ELK3: variants seen among roughly 807,000 people sequenced by gnomAD.
The protein encoded by ELK3 is ETS domain-containing protein Elk-3.
Under a neutral mutation model 28.9 loss-of-function variants are expected in ELK3, and 10 were observed. That is an observed-to-expected ratio of 0.35 (90% confidence interval 0.21 to 0.59). The LOEUF is 0.59. Ranked by LOEUF, ELK3 falls within the 20% of genes least tolerant of loss-of-function variation. The pLI, the probability that ELK3 is intolerant of heterozygous loss-of-function variation, is 0.82. For synonymous variants in ELK3, 272 were observed against 243.5 expected, an observed-to-expected ratio of 1.12 and a Z score of -1.09; for missense variants, 463 against 517.3, an observed-to-expected ratio of 0.90 and a Z score of 1.02.
At chr12:96,265,780 CAA>C (rs556096851) in intron 4 of ELK3, among the ~76,000 whole-genome samples, 5 of 152,182 alleles carry the variant, frequency 3.3e-5, no homozygotes, top group Admixed American at 6.5e-5. Context: ...ACCTTTTAAA[CAA>C]GAGTATAAAC....
At chr12:96,251,023 TTGG>T (rs1179620859) in intron 3 of ELK3, among the ~76,000 whole-genome samples, 1 of 152,206 alleles carries the variant, frequency 6.6e-6, no homozygotes, top group Non-Finnish European at 1.5e-5. Flanking sequence ...TCACAATTAA[TTGG>T]TGGTTTTTAC....
intron 4 of ELK3, among the ~76,000 whole-genome samples, chr12:96,265,435 C>G (rs939602354): frequency 3.9e-5 from 6 of 152,150 alleles, no homozygotes; most frequent in African/African-American, 1.4e-4. Context: ...TCTGCAATCC[C>G]AGCACTTTGG....
intron 2 of ELK3, among the ~76,000 whole-genome samples, chr12:96,225,651 G>C (rs1364598837): frequency 6.6e-6 from 1 of 152,150 alleles, no homozygotes; most frequent in Admixed American, 6.5e-5. Flanking sequence ...AACCTGCCCA[G>C]GTGCACACAG....
At chr12:96,208,972 C>T (rs966287242) in intron 1 of ELK3, among the ~76,000 whole-genome samples, 14 of 152,194 alleles carry the variant, frequency 9.2e-5, no homozygotes, top group Non-Finnish European at 1.2e-4. Flanking sequence ...GCAGACTTCC[C>T]GGTCCCCAGG....
At chr12:96,206,139 C>T (rs1032249892) in intron 1 of ELK3, among the ~76,000 whole-genome samples, 2 of 152,114 alleles carry the variant, frequency 1.3e-5, no homozygotes, top group African/African-American at 4.8e-5. Flanking sequence ...TCAGCCTCTG[C>T]CACATCCTTT....
intron 3 of ELK3, among the ~76,000 whole-genome samples, chr12:96,248,813 A>T (rs904673863): frequency 2.6e-5 from 4 of 152,190 alleles, no homozygotes; most frequent in African/African-American, 9.7e-5. Context: ...GCCTGTATCC[A>T]CACTTACAGC....
chr12:96,210,891 C>G (rs78294603), intron 1 of ELK3, among the ~76,000 whole-genome samples: 44 of 152,306 alleles, frequency 2.9e-4, no homozygotes, highest in African/African-American at 9.6e-4. Context: ...GTATTTCCCA[C>G]GCATTACAAT....
At chr12:96,228,442 A>AAAAAAAAAG (rs761298726) in intron 2 of ELK3, among the ~76,000 whole-genome samples, 7 of 142,636 alleles carry the variant, frequency 4.9e-5, no homozygotes, top group Admixed American at 1.5e-4. Context: ...AAAAAAAAAA[A>AAAAAAAAAG]AAGAAGATCA....
chr12:96,226,779 G>C (rs1312454811), intron 2 of ELK3, among the ~76,000 whole-genome samples: 1 of 152,020 alleles, frequency 6.6e-6, no homozygotes, highest in Non-Finnish European at 1.5e-5. Flanking sequence ...CGGAAAGTTA[G>C]ACTCTTAATA....
At chr12:96,208,552 T>C (rs2137003607) in intron 1 of ELK3, among the ~76,000 whole-genome samples, 2 of 152,322 alleles carry the variant, frequency 1.3e-5, no homozygotes, top group South Asian at 4.1e-4. Context: ...TGTTGCTTCA[T>C]CCAGTTCCCA....
At chr12:96,216,308 T>C (rs1444863255) in intron 1 of ELK3, among the ~76,000 whole-genome samples, 1 of 152,214 alleles carries the variant, frequency 6.6e-6, no homozygotes, top group Non-Finnish European at 1.5e-5. Context: ...AGGGACCCTC[T>C]TTGCTGAGGT....
intron 3 of ELK3, among the ~76,000 whole-genome samples, chr12:96,257,831 GTA>G (rs1951962300): frequency 6.6e-6 from 1 of 152,334 alleles, no homozygotes; most frequent in Admixed American, 6.5e-5. Context: ...GTCCTTCTCT[GTA>G]TACAGTTGAG....
chr12:96,264,159 T>A (rs1278755353), intron 4 of ELK3, among the ~76,000 whole-genome samples: 2 of 151,980 alleles, frequency 1.3e-5, no homozygotes, highest in Non-Finnish European at 2.9e-5. Context: ...AGTTTTGAAA[T>A]TTTTTTGTAG....
At chr12:96,242,672 G>A (rs1157472294) in intron 2 of ELK3, among the ~76,000 whole-genome samples, 3 of 150,776 alleles carry the variant, frequency 2.0e-5, no homozygotes, top group Non-Finnish European at 4.4e-5. Flanking sequence ...CGTGGGCACC[G>A]CTGTGGGGGG....
chr12:96,202,871 C>G (rs899163146), intron 1 of ELK3, among the ~76,000 whole-genome samples: 1 of 151,570 alleles, frequency 6.6e-6, no homozygotes, highest in Non-Finnish European at 1.5e-5. Context: ...TGAATTCTCT[C>G]TCTCCAAATT....
rs200367995 is a variant in ELK3 at position 96,216,721 on chromosome 12, C to T, written c.-2-6844C>T. Among the ~76,000 whole-genome samples the T allele has an allele frequency of 3.3e-5, 5 of 152,156 alleles. No individual in the cohort carries two copies. The East Asian group carries it at 9.6e-4, about 29-fold the overall frequency. ...CTTTGCCCCAGGTGTAGTTTAAGTGCATTATTAGTAACTTCTGTAACTCTT... is the reference window on the plus strand; with the variant it reads ...CTTTGCCCCAGGTGTAGTTTAAGTGTATTATTAGTAACTTCTGTAACTCTT... On this transcript the variant is annotated intron_variant, in intron 1 of 4. Coordinates refer to ENST00000228741, the MANE Select transcript of ELK3 (RefSeq NM_005230.4).
intron 1 of ELK3, among the ~76,000 whole-genome samples, chr12:96,219,771 C>G (rs1565780793): frequency 6.6e-6 from 1 of 152,190 alleles, no homozygotes; most frequent in African/African-American, 2.4e-5. Flanking sequence ...CAATGATAAG[C>G]TCACAGGAAA....
intron 2 of ELK3, among the ~76,000 whole-genome samples, chr12:96,238,556 G>A (rs964884080): frequency 2.0e-5 from 3 of 152,172 alleles, no homozygotes; most frequent in East Asian, 1.9e-4. Flanking sequence ...TGGTGGACAC[G>A]AGCTTCCTGT....
At chr12:96,196,109 T>G (rs1260689982) in intron 1 of ELK3, among the ~76,000 whole-genome samples, 1 of 152,188 alleles carries the variant, frequency 6.6e-6, no homozygotes, top group Non-Finnish European at 1.5e-5. Flanking sequence ...TGCTAAGTAA[T>G]GTCTGCACAC....
Sources: allele counts gnomAD v4.1 joint callset (sites outside exome capture counted in the v4.1 genomes callset), GRCh38; gene constraint gnomAD v4.1.1; transcripts MANE v1.5; gene names NCBI Gene and HGNC (gene_info 2026-07-23, HGNC 2026-07-21).